Variants in CNTNAP4 observed in about 807,000 individuals in gnomAD.
The protein encoded by CNTNAP4 is contactin-associated protein-like 4.
In CNTNAP4, 98 loss-of-function variants were observed where a neutral mutation model predicts 148.4. The ratio of observed to expected loss-of-function variants is 0.66; its 90% CI spans 0.56 to 0.78. CNTNAP4 has a LOEUF of 0.78. Ranked by LOEUF, CNTNAP4 falls within the 30% of genes least tolerant of loss-of-function variation. The pLI, the probability that CNTNAP4 is intolerant of heterozygous loss-of-function variation, is 0.00. For missense variants in CNTNAP4, 1,935 were observed against 1,565.6 expected (o/e 1.24, Z -3.98); for synonymous variants, 730 against 565.1 (o/e 1.29, Z -4.14).
intron 2 of CNTNAP4, among the ~76,000 whole-genome samples, chr16:76,343,969 C>G (rs1964700067): frequency 6.6e-6 from 1 of 152,086 alleles, no homozygotes; most frequent in Non-Finnish European, 1.5e-5. Context: ...TGGAACTAGC[C>G]AGGGTGCACG....
chr16:76,327,301 G>T (rs1215490879), intron 2 of CNTNAP4, among the ~76,000 whole-genome samples: 1 of 152,166 alleles, frequency 6.6e-6, no homozygotes, highest in Non-Finnish European at 1.5e-5. Flanking sequence ...ATAACATGTG[G>T]TATTAGGTTT....
intron 3 of CNTNAP4, among the ~76,000 whole-genome samples, chr16:76,423,955 A>G (rs960776440): frequency 2.6e-5 from 4 of 152,104 alleles, no homozygotes; most frequent in African/African-American, 7.2e-5. Context: ...ATACATGCCC[A>G]TTAAAAAATC....
At chr16:76,408,862 T>G (rs1470730942) in intron 3 of CNTNAP4, among the ~76,000 whole-genome samples, 1 of 152,048 alleles carries the variant, frequency 6.6e-6, no homozygotes, top group Non-Finnish European at 1.5e-5. Context: ...TGTGTAGTTT[T>G]ACCTCATCCA....
At chr16:76,514,368 TCTTTGAATAATTAAA>T (rs1240652836) in intron 15 of CNTNAP4, among the ~76,000 whole-genome samples, 1 of 152,236 alleles carries the variant, frequency 6.6e-6, no homozygotes, top group African/African-American at 2.4e-5. Context: ...TGTGTGTATG[TCTTTGAATAATTAAA>T]TACACAAGTC....
intron 3 of CNTNAP4, among the ~76,000 whole-genome samples, chr16:76,423,421 A>G (rs1014638712): frequency 1.3e-5 from 2 of 152,158 alleles, no homozygotes; most frequent in East Asian, 1.9e-4. Flanking sequence ...CTAAAGAAAC[A>G]CCTCAAGTAA....
chr16:76,392,567 G>T (rs1444422478), intron 3 of CNTNAP4, among the ~76,000 whole-genome samples: 8 of 150,460 alleles, frequency 5.3e-5, no homozygotes, highest in Admixed American at 2.6e-4. Context: ...TTGAGGAAAT[G>T]GAGGGAAATA....
rs945138913 is a variant in CNTNAP4 at position 76,491,180 on chromosome 16, T to C, written c.2080+1297T>C. Among the ~76,000 whole-genome samples the C allele has an allele frequency of 2.6e-5, 4 of 152,090 alleles. No homozygotes were observed. In the South Asian group the frequency reaches 6.2e-4, roughly 24 times the overall value. Reference sequence around the variant, plus strand: ...GTTTTCCTTTTTTAGAATGTTTTCATTTGGCCTCTACCCCTCCAATCCCAT... The same window carrying C: ...GTTTTCCTTTTTTAGAATGTTTTCACTTGGCCTCTACCCCTCCAATCCCAT... On this transcript the variant is annotated intron_variant, in intron 13 of 23. Coordinates refer to ENST00000611870, the MANE Select transcript of CNTNAP4 (RefSeq NM_033401.5).
chr16:76,493,097 A>G (rs1239373030), intron 13 of CNTNAP4, among the ~76,000 whole-genome samples: 1 of 152,130 alleles, frequency 6.6e-6, no homozygotes, highest in Non-Finnish European at 1.5e-5. Context: ...TGACCTCATG[A>G]TTCGTGTGGA....
At chr16:76,430,837 G>A (rs1016715588) in intron 4 of CNTNAP4, among the ~76,000 whole-genome samples, 4 of 152,158 alleles carry the variant, frequency 2.6e-5, no homozygotes, top group African/African-American at 9.7e-5. Flanking sequence ...CACAACCCGT[G>A]TTAGATCTAG....
chr16:76,299,957 G>C (rs1432034843), intron 1 of CNTNAP4, among the ~76,000 whole-genome samples: 1 of 152,018 alleles, frequency 6.6e-6, no homozygotes, highest in Non-Finnish European at 1.5e-5. Context: ...AGAACACATG[G>C]ACACAGGAAG....
chr16:76,460,243 G>A (rs1303816837), intron 8 of CNTNAP4, among the ~76,000 whole-genome samples: 2 of 151,918 alleles, frequency 1.3e-5, no homozygotes, highest in Non-Finnish European at 2.9e-5. Flanking sequence ...CAGTAGCTGG[G>A]ATCACAGGCA....
intron 2 of CNTNAP4, among the ~76,000 whole-genome samples, chr16:76,335,996 C>G (rs987431829): frequency 3.3e-5 from 5 of 152,114 alleles, no homozygotes; most frequent in Admixed American, 1.3e-4. Flanking sequence ...CCTTCCCCCA[C>G]CACAACTGCT....
chr16:76,445,636 G>T (rs1013870511), intron 4 of CNTNAP4, among the ~76,000 whole-genome samples: 1 of 151,934 alleles, frequency 6.6e-6, no homozygotes, highest in Admixed American at 6.6e-5. Context: ...AAAAGCTTTA[G>T]GTGCCACAGA....
chr16:76,293,833 T>A (rs114852091), intron 1 of CNTNAP4, among the ~76,000 whole-genome samples: 1,175 of 75,336 alleles, frequency 0.016, 5 homozygotes, highest in African/African-American at 0.027. Flanking sequence ...TTTTTTTTTT[T>A]TTAAAAAAAA....
intron 23 of CNTNAP4, chr16:76,557,377 A>C (rs2085241236): frequency 6.6e-6 from 1 of 152,200 alleles, no homozygotes; most frequent in Non-Finnish European, 1.5e-5. Context: ...AGCAAAAAGC[A>C]ACTAATTCAG....
chr16:76,488,019 C>T (rs149371461), intron 12 of CNTNAP4, among the ~76,000 whole-genome samples: 39 of 152,142 alleles, frequency 2.6e-4, no homozygotes, highest in African/African-American at 4.3e-4. Flanking sequence ...ATTGATTTAC[C>T]GCAAGAAAAG....
intron 15 of CNTNAP4, among the ~76,000 whole-genome samples, chr16:76,508,426 G>C (rs1228839280): frequency 1.0e-5 from 1 of 95,770 alleles, no homozygotes; most frequent in African/African-American, 2.6e-5. Flanking sequence ...TATAATTTTA[G>C]TTAATATTAA....
intron 19 of CNTNAP4, 85 bp from the exon 20 acceptor site, chr16:76,539,634 C>G: frequency 9.0e-7 from 1 of 1,114,266 alleles, no homozygotes; most frequent in Non-Finnish European, 1.3e-6. Context: ...GAATAAATAG[C>G]AACAAAAAAT....
rs572411702 is a variant in CNTNAP4 at position 76,290,030 on chromosome 16, C to T, written c.85+12283C>T. Reference sequence around the variant, plus strand: ...AGTCATAACTTTTCATGCATGTTGACATATGTTATCATTAATAATGACAAA... The same window carrying T: ...AGTCATAACTTTTCATGCATGTTGATATATGTTATCATTAATAATGACAAA... On this transcript the variant is annotated intron_variant, in intron 1 of 23. Coordinates refer to ENST00000611870, the MANE Select transcript of CNTNAP4 (RefSeq NM_033401.5). Among the ~76,000 whole-genome samples the T allele has an allele frequency of 2.5e-3, 386 of 152,266 alleles. 1 individual carries two copies. The highest frequency in any genetic ancestry group is 4.3e-3 in the Non-Finnish European group (292 of 68,028).
Sources: allele counts gnomAD v4.1 joint callset (sites outside exome capture counted in the v4.1 genomes callset), GRCh38; gene constraint gnomAD v4.1.1; transcripts MANE v1.5; gene names NCBI Gene and HGNC (gene_info 2026-07-23, HGNC 2026-07-21).